The following PTPN21 variants were observed in gnomAD, a reference collection of about 807,000 sequenced individuals.
PTPN21 encodes protein tyrosine phosphatase non-receptor type 21, also known as tyrosine-protein phosphatase non-receptor type 21.
Under a neutral mutation model 131.8 loss-of-function variants are expected in PTPN21, and 77 were observed. The ratio of observed to expected loss-of-function variants is 0.58; its 90% CI spans 0.49 to 0.71. The LOEUF (loss-of-function observed/expected upper bound fraction) is 0.71. PTPN21 is among the 30% of genes least tolerant of loss of function. PTPN21 has a pLI of 0.00. For synonymous variants in PTPN21, 715 were observed against 621.3 expected, an observed-to-expected ratio of 1.15 and a Z score of -2.24; for missense variants, 1,552 against 1,527.1, an observed-to-expected ratio of 1.02 and a Z score of -0.27.
At chr14:88,516,252 G>A (rs1041620113) in intron 3 of PTPN21, among the ~76,000 whole-genome samples, 10 of 152,066 alleles carry the variant, frequency 6.6e-5, no homozygotes, top group African/African-American at 1.9e-4. Context: ...GCTTCATGGA[G>A]GAGGTACCTT....
chr14:88,491,223 C>G (rs1341320000), intron 10 of PTPN21, among the ~76,000 whole-genome samples: 1 of 152,180 alleles, frequency 6.6e-6, no homozygotes, highest in Non-Finnish European at 1.5e-5. Context: ...AGGGAGAAGG[C>G]TGTTGGATTA....
At position 88,467,992 on chromosome 14, in the gene PTPN21, G is replaced by A. The variant is rs1268009393; in HGVS notation, c.*145C>T. ...CTGTGCTTCGCACGTTTCCTTCAGCGTGCCGCCATTCAGACTGCGCCACTT... is the reference window on the plus strand; with the variant it reads ...CTGTGCTTCGCACGTTTCCTTCAGCATGCCGCCATTCAGACTGCGCCACTT... On this transcript the variant is annotated 3_prime_UTR_variant, in exon 19 of 19. Coordinates refer to ENST00000556564, the MANE Select transcript of PTPN21 (RefSeq NM_007039.4). 7 of 1,027,960 alleles carry A rather than the reference G, an allele frequency of 6.8e-6. No homozygotes were observed. The East Asian group carries it at 7.2e-5, about 11-fold the overall frequency. The allele number at this position is 1,027,960 out of a possible 1,614,324, so 63.7% of individuals were successfully genotyped here.
At chr14:88,497,357 A>C in intron 8 of PTPN21, 67 bp from the exon 9 acceptor site, 1 of 1,291,030 alleles carries the variant, frequency 7.7e-7, no homozygotes, top group Non-Finnish European at 1.1e-6. Flanking sequence ...GATAGAATAC[A>C]CAAGTTTTCC....
chr14:88,492,896 T>G (rs1399886249), intron 10 of PTPN21: 1 of 338,220 alleles, frequency 3.0e-6, no homozygotes, highest in African/African-American at 2.2e-5. Context: ...GACACGAAGA[T>G]GAGGAAGAGG....
At chr14:88,529,739 T>C (rs950273888) in intron 2 of PTPN21, among the ~76,000 whole-genome samples, 1 of 152,102 alleles carries the variant, frequency 6.6e-6, no homozygotes, top group Non-Finnish European at 1.5e-5. Context: ...CCCAGCACTT[T>C]AGGAGGCCAA....
rs560289553 is a variant in PTPN21, at chr14:88,500,813, T to A, written c.734A>T (p.His245Leu). ...GACLEGIFVK[H>L]KNGRHPVVFR... ...TACCACAGGATGCCTTCCATTCTTG[T>A]GTTTCACAAAGATACCTTCAAGACA... Residue 245 changes from histidine (H) to leucine (L), a missense_variant, in exon 8 of 19, where the codon CAC becomes CTC. Physicochemically the swap from His to Leu is moderately conservative, Grantham distance 99. This residue lies in a region of PTPN21 where 1,016 missense variants were observed against 883.5 expected (regional missense o/e 1.15). Transcript: ENST00000556564. The A allele has an allele frequency of 3.7e-6, 6 of 1,613,794 alleles. No individual in the cohort carries two copies. The South Asian group carries it at 4.4e-5, about 12-fold the overall frequency.
intron 2 of PTPN21, among the ~76,000 whole-genome samples, chr14:88,523,669 A>T (rs745446600): frequency 6.6e-5 from 10 of 151,836 alleles, no homozygotes; most frequent in Admixed American, 2.0e-4. Flanking sequence ...TGTACAGATG[A>T]CATAATCCTA....
Position 88,478,967 on chromosome 14 carries a change from G to T in PTPN21, c.2464C>A (p.Leu822Ile). The stretch of plus-strand genomic sequence containing the variant: ...ACGATGTTCTTCTTCCCAGAGAGAA[G>T]GTCCGACACCGGCCTTTTCTTCAGA... ...DSLKKRPVSD[L>I]LSGKKNIVEG... is the part of the protein sequence containing the mutation. The change falls in exon 13 of 19, where the codon CTT (leucine) becomes ATT (isoleucine). Residue 822 changes from leucine to isoleucine, a missense_variant. Physicochemically the swap from Leu to Ile is conservative, Grantham distance 5. This residue lies in a region of PTPN21 where 1,016 missense variants were observed against 883.5 expected (regional missense o/e 1.15). Transcript: ENST00000556564. 4 of 1,540,220 alleles carry T rather than the reference G, an allele frequency of 2.6e-6. No individual in the cohort carries two copies. Among genetic ancestry groups the T allele is most frequent in the South Asian group, 2.5e-5 (2 of 80,528 alleles).
chr14:88,532,936 T>G (rs928242820), intron 2 of PTPN21, among the ~76,000 whole-genome samples: 3 of 152,220 alleles, frequency 2.0e-5, no homozygotes, highest in African/African-American at 7.2e-5. Flanking sequence ...GGTAGTATCC[T>G]TTATTTACGA....
At chr14:88,518,717 C>T (rs1328992330) in intron 2 of PTPN21, among the ~76,000 whole-genome samples, 1 of 151,476 alleles carries the variant, frequency 6.6e-6, no homozygotes, top group East Asian at 2.0e-4. Flanking sequence ...AGGCATGAGC[C>T]ACCGCACCCA....
chr14:88,537,920 T>C (rs1330383674), intron 2 of PTPN21, among the ~76,000 whole-genome samples: 1 of 152,072 alleles, frequency 6.6e-6, no homozygotes, highest in African/African-American at 2.4e-5. Flanking sequence ...ACAATGGTAT[T>C]TGTGTATCTA....
At chr14:88,500,923 C>T (rs1197888392) in intron 7 of PTPN21, 52 bp from the exon 8 acceptor site, 2 of 1,324,140 alleles carry the variant, frequency 1.5e-6, no homozygotes, top group Non-Finnish European at 2.2e-6. Flanking sequence ...TGCAGAGGAA[C>T]TGCTGCTAGA....
chr14:88,519,306 C>T (rs924981691), intron 2 of PTPN21, among the ~76,000 whole-genome samples: 3 of 152,166 alleles, frequency 2.0e-5, no homozygotes, highest in African/African-American at 7.2e-5. Context: ...ATAACACTGT[C>T]CCAACAGAAC....
At chr14:88,514,712 C>A (rs1412883105) in intron 3 of PTPN21, among the ~76,000 whole-genome samples, 1 of 151,926 alleles carries the variant, frequency 6.6e-6, no homozygotes, top group Non-Finnish European at 1.5e-5. Context: ...GATCTGGCCC[C>A]CTCAGCCTCC....
chr14:88,535,857 C>A (rs1434684518), intron 2 of PTPN21, among the ~76,000 whole-genome samples: 1 of 152,194 alleles, frequency 6.6e-6, no homozygotes, highest in Non-Finnish European at 1.5e-5. Context: ...AAGCACACAT[C>A]CTCTCTTCCT....
At chr14:88,509,827 G>T (rs1224627550) in intron 3 of PTPN21, among the ~76,000 whole-genome samples, 1 of 152,206 alleles carries the variant, frequency 6.6e-6, no homozygotes, top group East Asian at 1.9e-4. Flanking sequence ...CTTGAGGTCA[G>T]GAGTTGGAGA....
At chr14:88,541,554 TGCCTA>T (rs1364414711) in intron 2 of PTPN21, among the ~76,000 whole-genome samples, 4 of 152,188 alleles carry the variant, frequency 2.6e-5, no homozygotes, top group Non-Finnish European at 5.9e-5. Context: ...ACATACCTGC[TGCCTA>T]GCAGGGAAGA....
At position 88,479,396 on chromosome 14, in the gene PTPN21, T is replaced by C. The variant is rs897847620; in HGVS notation, c.2035A>G (p.Thr679Ala). The C allele has an allele frequency of 1.2e-6, 2 of 1,604,784 alleles. No individual in the cohort carries two copies. The highest frequency in any genetic ancestry group is 1.3e-5 in the African/African-American group (1 of 74,766). The change falls in exon 13 of 19, where the codon ACC becomes GCC. Residue 679 changes from threonine to alanine, a missense_variant. This residue lies in a region of PTPN21 where 1,016 missense variants were observed against 883.5 expected (regional missense o/e 1.15). Coordinates refer to ENST00000556564, the MANE Select transcript of PTPN21 (RefSeq NM_007039.4). ...GGCCCTTCTCGCTGTGTCCTCTCGG[T>C]GAAAACGCTGGGCTGGGAGCCCACC... is the stretch of plus-strand genomic sequence containing the variant. ...VSVGSQPSVF[T>A]ERTQREGPEE...
At chr14:88,485,200 G>C (rs2140107677) in intron 11 of PTPN21, 40 bp from the exon 12 acceptor site, 2 of 1,295,854 alleles carry the variant, frequency 1.5e-6, no homozygotes, top group South Asian at 3.1e-5. Flanking sequence ...GAAACACATT[G>C]CTTATGTAAT....
Sources: allele counts gnomAD v4.1 joint callset (sites outside exome capture counted in the v4.1 genomes callset), GRCh38; gene constraint gnomAD v4.1.1; regional missense constraint gnomAD v4.1.1; transcripts MANE v1.5; gene names NCBI Gene and HGNC (gene_info 2026-07-23, HGNC 2026-07-21).